PASD1: variants seen among roughly 807,000 people sequenced by gnomAD.
The protein encoded by PASD1 is PAS domain containing repressor 1, also known as circadian clock protein PASD1.
Under a neutral mutation model 58.8 loss-of-function variants are expected in PASD1, and 13 were observed. The observed-to-expected ratio is 0.22, with a 90% confidence interval of 0.14 to 0.35. The LOEUF is 0.35. Among genes scored for constraint, PASD1 ranks in the 10% least tolerant of loss-of-function variants. The probability of loss-of-function intolerance (pLI) is 1.00; values close to 1 mark genes in which losing one functional copy is unlikely to be tolerated. For synonymous variants in PASD1, 236 were observed against 216.7 expected, an observed-to-expected ratio of 1.09 and a Z score of -0.78; for missense variants, 734 against 568.3, an observed-to-expected ratio of 1.29 and a Z score of -2.96.
chrX:151,625,567 G>T, intron 8 of PASD1, 37 bp downstream of exon 8: 1 of 1,037,044 alleles, frequency 9.6e-7, no homozygotes, highest in Non-Finnish European at 1.3e-6. Flanking sequence ...TGAAGATCTA[G>T]AATTCAATTT....
chrX:151,644,007 G>A (rs2014028480), intron 8 of PASD1, among the ~76,000 whole-genome samples: 1 of 111,529 alleles, frequency 9.0e-6, no homozygotes, highest in Non-Finnish European at 1.9e-5. Flanking sequence ...TTTACCTTAA[G>A]ATTATTGAGG....
chrX:151,567,045 A>T (rs993910943), intron 1 of PASD1, among the ~76,000 whole-genome samples: 5 of 94,961 alleles, frequency 5.3e-5, no homozygotes, highest in South Asian at 9.9e-4. Flanking sequence ...ACTCCGTCTC[A>T]AAATAAATAA....
chrX:151,659,223 G>A (rs1369057404), intron 9 of PASD1, among the ~76,000 whole-genome samples: 1 of 112,241 alleles, frequency 8.9e-6, no homozygotes, highest in Admixed American at 9.4e-5. Flanking sequence ...CTAAGCCTAG[G>A]ATGCAAGTGC....
intron 1 of PASD1, among the ~76,000 whole-genome samples, chrX:151,601,229 T>G (rs2013411119): frequency 9.0e-6 from 1 of 111,229 alleles, no homozygotes; most frequent in South Asian, 3.7e-4. Flanking sequence ...AATATTTGGT[T>G]TTTTTTTTGG....
intron 13 of PASD1, 88 bp downstream of exon 13, chrX:151,671,867 G>C (rs1417165768): frequency 2.0e-6 from 2 of 975,974 alleles, no homozygotes; most frequent in East Asian, 6.2e-5. Flanking sequence ...TTAGGGGGTA[G>C]TGACTATCCA....
rs768226760 is a variant in PASD1 at position 151,601,572 on chromosome X, A to G, written c.19A>G (p.Lys7Glu). The G allele has an allele frequency of 1.7e-6, 2 of 1,210,938 alleles. No individual in the cohort carries two copies. Among genetic ancestry groups the G allele is most frequent in the African/African-American group, 1.7e-5 (1 of 57,839 alleles). MKMRGE[K>E]RRDKVNPKSS... ...ATAATGAATGAAGATGAGAGGGGAA[A>G]AGAGAAGAGGTATGCATTCATAACT... Residue 7 changes from lysine to glutamate, a missense_variant, in exon 2 of 16, where the codon AAG becomes GAG. By Grantham distance (56) the Lys-to-Glu change is moderately conservative. Transcript: ENST00000370357.
chrX:151,591,590 A>C (rs1347482333), intron 1 of PASD1, among the ~76,000 whole-genome samples: 2 of 112,046 alleles, frequency 1.8e-5, no homozygotes, highest in African/African-American at 6.5e-5. Context: ...GCTTTTAATT[A>C]GCCTTATTCT....
rs764280772 is a variant in PASD1, at chrX:151,564,269, T to C, written c.-28+430T>C. On this transcript the variant is annotated intron_variant, in intron 1 of 15. Transcript: ENST00000370357. ...CGGCAGGTCTGGGGCGCGTCTCCAT[T>C]ACCACAGTCGGGGACGGTGTGCTGG... Among the ~76,000 whole-genome samples the C allele has an allele frequency of 1.6e-4, 18 of 112,744 alleles. No homozygotes were observed. In the East Asian group the frequency reaches 4.5e-3, roughly 28 times the overall value.
chrX:151,606,125 C>T (rs2013485795), intron 3 of PASD1, among the ~76,000 whole-genome samples: 1 of 112,005 alleles, frequency 8.9e-6, no homozygotes, highest in Non-Finnish European at 1.9e-5. Context: ...GTAATTCCCT[C>T]CTTTCCACTT....
chrX:151,662,906 C>A (rs1479615885), intron 10 of PASD1, among the ~76,000 whole-genome samples: 1 of 111,705 alleles, frequency 9.0e-6, no homozygotes, highest in African/African-American at 3.3e-5. Flanking sequence ...TTTGCAGTAT[C>A]CAGGCAAACC....
At chrX:151,666,317 G>A (rs1329930467) in intron 11 of PASD1, among the ~76,000 whole-genome samples, 1 of 110,183 alleles carries the variant, frequency 9.1e-6, no homozygotes, top group Non-Finnish European at 1.9e-5. Flanking sequence ...TATTTTCCAA[G>A]AATCTCATCT....
At chrX:151,638,971 G>A (rs970037224) in intron 8 of PASD1, among the ~76,000 whole-genome samples, 5 of 111,475 alleles carry the variant, frequency 4.5e-5, no homozygotes, top group East Asian at 5.6e-4. Context: ...AAAAACTTTC[G>A]GTGCTTTCTC....
intron 9 of PASD1, among the ~76,000 whole-genome samples, chrX:151,648,993 C>T (rs1237535477): frequency 8.9e-6 from 1 of 111,895 alleles, no homozygotes; most frequent in Non-Finnish European, 1.9e-5. Context: ...ACTGACCTGC[C>T]TGGTGTAGAA....
chrX:151,571,799 C>A (rs2012931546), intron 1 of PASD1, among the ~76,000 whole-genome samples: 1 of 112,155 alleles, frequency 8.9e-6, no homozygotes, highest in South Asian at 3.7e-4. Context: ...TCCACTGCCC[C>A]AGGCCCATAA....
intron 9 of PASD1, among the ~76,000 whole-genome samples, chrX:151,654,114 C>A (rs776382735): frequency 9.7e-6 from 1 of 103,246 alleles, no homozygotes; most frequent in South Asian, 4.8e-4. Context: ...GGACTGCAGG[C>A]ACACACTGCC....
At chrX:151,572,600 A>G (rs2012942428) in intron 1 of PASD1, among the ~76,000 whole-genome samples, 1 of 111,727 alleles carries the variant, frequency 9.0e-6, no homozygotes. Context: ...TTCTGTTTAA[A>G]AAGTTCTTTA....
chrX:151,661,229 AT>A (rs1288636827), intron 10 of PASD1, among the ~76,000 whole-genome samples: 1 of 112,325 alleles, frequency 8.9e-6, no homozygotes, highest in African/African-American at 3.2e-5. Flanking sequence ...AAGCAGAAGA[AT>A]TTAGCCAACA....
At chrX:151,652,587 CAA>C (rs1484822227) in intron 9 of PASD1, among the ~76,000 whole-genome samples, 1 of 103,039 alleles carries the variant, frequency 9.7e-6, no homozygotes, top group East Asian at 2.9e-4. Flanking sequence ...CCAACCCAAA[CAA>C]AAGAGAAGGT....
intron 4 of PASD1, among the ~76,000 whole-genome samples, chrX:151,613,069 T>C (rs1029764352): frequency 8.9e-6 from 1 of 112,257 alleles, no homozygotes; most frequent in African/African-American, 3.2e-5. Flanking sequence ...ATTTGTTAAA[T>C]AGAGAATCCT....
Sources: gnomAD v4.1 joint callset for allele counts (sites outside exome capture counted in the v4.1 genomes callset) on GRCh38, gnomAD v4.1.1 for gene constraint, MANE v1.5 for transcripts, NCBI Gene and HGNC (gene_info 2026-07-23, HGNC 2026-07-21) for gene names.